Variants in MBOAT2 observed in about 807,000 individuals in gnomAD.
MBOAT2 encodes the protein membrane-bound glycerophospholipid O-acyltransferase 2.
A neutral mutation model predicts 63.4 loss-of-function variants in MBOAT2; 28 were observed. The observed-to-expected ratio is 0.44, with a 90% CI of 0.33 to 0.61. The LOEUF is 0.61. Ranked by LOEUF, MBOAT2 falls within the 20% of genes least tolerant of loss-of-function variation. The pLI is 0.03. For missense variants in MBOAT2, 470 were observed against 605.8 expected (o/e 0.78, Z 2.35); for synonymous variants, 211 against 215.6 (o/e 0.98, Z 0.19).
intron 9 of MBOAT2, 116 bp from the exon 10 acceptor site, chr2:8,864,350 T>C: frequency 4.0e-6 from 2 of 496,376 alleles, no homozygotes; most frequent in South Asian, 7.9e-5. Flanking sequence ...GATGGTAGTA[T>C]AGTGATTTCT....
chr2:8,985,084 G>GA (rs150241501), intron 1 of MBOAT2, among the ~76,000 whole-genome samples: 28 of 148,348 alleles, frequency 1.9e-4, no homozygotes, highest in Middle Eastern at 3.4e-3. Flanking sequence ...TTCCTCAGGG[G>GA]AAAAAAAAAA....
At chr2:8,932,803 C>A (rs1197374401) in intron 3 of MBOAT2, among the ~76,000 whole-genome samples, 3 of 151,390 alleles carry the variant, frequency 2.0e-5, no homozygotes, top group African/African-American at 7.3e-5. Flanking sequence ...ATCACTCCAT[C>A]ATTCAAATTC....
intron 6 of MBOAT2, among the ~76,000 whole-genome samples, chr2:8,878,324 C>A (rs546853944): frequency 7.9e-5 from 12 of 152,238 alleles, no homozygotes; most frequent in Admixed American, 2.6e-4. Context: ...TTAAAAAAAA[C>A]AGCTGCATTA....
intron 1 of MBOAT2, among the ~76,000 whole-genome samples, chr2:8,990,594 A>G (rs1671857937): frequency 6.6e-6 from 1 of 152,206 alleles, no homozygotes; most frequent in South Asian, 2.1e-4. Context: ...AGTATATGCC[A>G]AAAACCTTCT....
chr2:8,978,597 C>A (rs1043240131), intron 1 of MBOAT2, among the ~76,000 whole-genome samples: 6 of 151,960 alleles, frequency 3.9e-5, no homozygotes, highest in African/African-American at 1.5e-4. Context: ...AAAAGGCATC[C>A]ACCTGAGTTG....
intron 3 of MBOAT2, among the ~76,000 whole-genome samples, chr2:8,912,395 GAAAGAA>G (rs1250369325): frequency 1.1e-3 from 152 of 144,422 alleles, no homozygotes; most frequent in Middle Eastern, 7.1e-3. Flanking sequence ...AAGAAAGAAA[GAAAGAA>G]AGAAAGAAAG....
intron 7 of MBOAT2, among the ~76,000 whole-genome samples, chr2:8,874,088 C>T (rs767291325): frequency 7.2e-5 from 11 of 152,346 alleles, no homozygotes; most frequent in Middle Eastern, 3.4e-3. Context: ...GTGCTCTATA[C>T]AGTAACCAAA....
Position 8,943,196 on chromosome 2 carries a change from T to C in MBOAT2, c.290A>G (p.Asn97Ser). The C allele has an allele frequency of 6.5e-7, 1 of 1,549,756 alleles. No homozygotes were observed. The highest frequency in any genetic ancestry group is 8.8e-7 in the Non-Finnish European group (1 of 1,139,634). Residue 97 changes from asparagine to serine, a missense_variant, in exon 3 of 13, where the codon AAC (asparagine) becomes AGC (serine). Asn to Ser is a conservative substitution (Grantham distance 46, BLOSUM62 1). Transcript: ENST00000305997. Reference sequence around the variant, plus strand: ...CAAAGTGAATACTTACTTGTGCATGTTCTCCACTCCTATGATGATCATGAT... The same window carrying C: ...CAAAGTGAATACTTACTTGTGCATGCTCTCCACTCCTATGATGATCATGAT... ...YCIMIIIGVE[N>S]MHNYCFVFAL... is the part of the protein sequence containing the mutation.
In MBOAT2 at chr2:8,860,742, T is replaced by A. The variant is rs1661433365; in HGVS notation, c.1208A>T (p.Tyr403Phe). ...TTTCAGTTGGGAAGGTTCAATGAAATAATGTCTAAAGTTATTTCTCATCTG... is the reference window on the plus strand; with the variant it reads ...TTTCAGTTGGGAAGGTTCAATGAAAAAATGTCTAAAGTTATTTCTCATCTG... Reference protein sequence around the residue: ...ARAMRNNFRHYFIEPSQLKLF... With the variant: ...ARAMRNNFRHFFIEPSQLKLF... The change falls in exon 12 of 13, where the codon TAT (tyrosine) becomes TTT (phenylalanine). Residue 403 changes from tyrosine (Y) to phenylalanine (F), a missense_variant. Around this residue, in one of 3 missense-constraint regions of MBOAT2, gnomAD observed 376 missense variants for 503.8 expected, o/e 0.75. Coordinates refer to ENST00000305997, the MANE Select transcript of MBOAT2 (RefSeq NM_138799.4). 1 of 1,589,684 alleles carries A rather than the reference T, an allele frequency of 6.3e-7. No individual in the cohort carries two copies. The highest frequency in any genetic ancestry group is 1.3e-5 in the African/African-American group (1 of 74,282).
intron 3 of MBOAT2, among the ~76,000 whole-genome samples, chr2:8,930,649 C>T (rs530486375): frequency 7.2e-4 from 107 of 147,776 alleles, no homozygotes; most frequent in African/African-American, 2.5e-3. Flanking sequence ...CCTGAGGAAT[C>T]GCCACACTGA....
At chr2:8,948,356 T>C (rs996806300) in intron 2 of MBOAT2, among the ~76,000 whole-genome samples, 1 of 152,214 alleles carries the variant, frequency 6.6e-6, no homozygotes, top group Non-Finnish European at 1.5e-5. Context: ...TTCCAACTTC[T>C]ATTTTATACT....
intron 1 of MBOAT2, among the ~76,000 whole-genome samples, chr2:8,995,348 T>G (rs1672210406): frequency 6.6e-6 from 1 of 152,168 alleles, no homozygotes. Context: ...CGTTCAACAT[T>G]TTCTACATAT....
chr2:8,957,082 G>T (rs929174227), intron 2 of MBOAT2, among the ~76,000 whole-genome samples: 1 of 152,082 alleles, frequency 6.6e-6, no homozygotes, highest in African/African-American at 2.4e-5. Flanking sequence ...GTATAGACTG[G>T]GATATACTTT....
intron 1 of MBOAT2, among the ~76,000 whole-genome samples, chr2:8,965,514 T>C (rs1669917524): frequency 6.6e-6 from 1 of 152,158 alleles, no homozygotes. Context: ...TTACTAAGGG[T>C]GCTTACACTT....
Position 8,958,066 on chromosome 2 carries a change from GGTAATGGCA to G in MBOAT2, c.221+422_221+430del, listed in dbSNP as rs1558656096. Reference sequence around the variant, plus strand: ...ATGAACAAACAAAAAGCCTCTTTTTGGTAATGGCAGAATCTAAAAAATGGCAATAAAGTT... The same window carrying G: ...ATGAACAAACAAAAAGCCTCTTTTTGGAATCTAAAAAATGGCAATAAAGTT... On this transcript the variant is annotated intron_variant, in intron 2 of 12. Coordinates refer to ENST00000305997, the MANE Select transcript of MBOAT2 (RefSeq NM_138799.4). Among the ~76,000 whole-genome samples the G allele has an allele frequency of 3.3e-5, 5 of 152,154 alleles. No individual in the cohort carries two copies. In the South Asian group the frequency reaches 1.0e-3, roughly 32 times the overall value.
intron 1 of MBOAT2, among the ~76,000 whole-genome samples, chr2:8,987,461 AT>A (rs1558687492): frequency 6.6e-6 from 1 of 152,230 alleles, no homozygotes. Context: ...TTCGATTAAA[AT>A]TTTTTAAAAA....
At chr2:8,959,660 A>G (rs1669478608) in intron 1 of MBOAT2, among the ~76,000 whole-genome samples, 1 of 152,050 alleles carries the variant, frequency 6.6e-6, no homozygotes, top group Admixed American at 6.6e-5. Flanking sequence ...ACAAAGTGTC[A>G]CTATGTTGCT....
chr2:8,894,977 T>C (rs1048736799), intron 4 of MBOAT2, among the ~76,000 whole-genome samples: 5 of 152,154 alleles, frequency 3.3e-5, no homozygotes, highest in African/African-American at 9.7e-5. Flanking sequence ...TCCGGAGTTG[T>C]TCATTCCTCC....
chr2:8,862,101 A>G lies in MBOAT2; in HGVS notation c.1185+489T>C, dbSNP rs570367505. Among the ~76,000 whole-genome samples the G allele has an allele frequency of 6.6e-6, 1 of 152,216 alleles. No homozygotes were observed. The highest frequency in any genetic ancestry group is 6.5e-5 in the Admixed American group (1 of 15,282). On this transcript the variant is annotated intron_variant, in intron 11 of 12. Coordinates refer to ENST00000305997, the MANE Select transcript of MBOAT2 (RefSeq NM_138799.4). This position sits in a 1 kb window ranked among gnomAD's most constrained non-coding sequence, Gnocchi z 4.3. ...TTCATGTCACCAACCTAATTTCTCA[A>G]TTGTTTCCCCAAAATATTACTCTAT...
Sources: gnomAD v4.1 joint callset for allele counts (sites outside exome capture counted in the v4.1 genomes callset) on GRCh38, gnomAD v4.1.1 for gene constraint, gnomAD v4.1.1 regional missense constraint, Gnocchi (gnomAD v3.1) non-coding constraint, MANE v1.5 for transcripts, NCBI Gene and HGNC (gene_info 2026-07-23, HGNC 2026-07-21) for gene names.